ZNF529: variants seen among roughly 807,000 people sequenced by gnomAD.
The protein encoded by ZNF529 is zinc finger protein 529.
Under a neutral mutation model 10.1 loss-of-function variants are expected in ZNF529, and 11 were observed. The ratio of observed to expected loss-of-function variants is 1.09; its 90% confidence interval spans 0.69 to 1.81. ZNF529 has a LOEUF of 1.81. Among genes scored for constraint, ZNF529 ranks in the 40% most tolerant of loss-of-function variants. The probability of loss-of-function intolerance (pLI) is 0.00; values close to 1 mark genes in which losing one functional copy is unlikely to be tolerated. For synonymous variants in ZNF529, 204 were observed against 215.7 expected, an observed-to-expected ratio of 0.95 and a Z score of 0.47; for missense variants, 624 against 666.8, an observed-to-expected ratio of 0.94 and a Z score of 0.71.
upstream of ZNF529, chr19:36,573,600 T>A (rs944454683): frequency 2.1e-4 from 91 of 423,378 alleles, 2 homozygotes; most frequent in African/African-American, 1.4e-3. Context: ...GCGAGGGTGG[T>A]CTTGGGGGAG....
In ZNF529 at chr19:36,586,122, C is replaced by T. The variant is rs1161541368; in HGVS notation, c.-41+3493G>A. 5.3e-5 allele frequency among the ~76,000 whole-genome samples: 8 copies of T among 152,286 alleles called. No individual in the cohort carries two copies. In the East Asian group the frequency reaches 1.5e-3, roughly 29 times the overall value. On this transcript the variant is annotated intron_variant, in intron 2 of 4. Transcript: ENST00000585960. ...ATTACATTTTAACTTCAGAAATTAT[C>T]GACTCCATTTTCCATTTCCTTGCAA...
At chr19:36,562,681 CA>C (rs1474663172) in intron 2 of ZNF529, among the ~76,000 whole-genome samples, 2 of 151,480 alleles carry the variant, frequency 1.3e-5, no homozygotes, top group Non-Finnish European at 2.9e-5. Context: ...TAAAAAACTA[CA>C]AAAAAATAGC....
chr19:36,581,156 T>TA (rs1375800174), intron 2 of ZNF529: 1 of 152,200 alleles, frequency 6.6e-6, no homozygotes, highest in Admixed American at 6.5e-5. Context: ...GTCCCCATGA[T>TA]AGACTATTGG....
rs141584175 is a variant in ZNF529 at position 36,571,416 on chromosome 19, T to C, written c.14+917A>G. On this transcript the variant is annotated intron_variant, in intron 2 of 4. Coordinates refer to ENST00000591340, the MANE Select transcript of ZNF529 (RefSeq NM_020951.5). ...AAAGCCGGGCGCAGTGGCTCACGCCTGTAATCCCAGCACTTTGGGAGGATG... is the reference window on the plus strand; with the variant it reads ...AAAGCCGGGCGCAGTGGCTCACGCCCGTAATCCCAGCACTTTGGGAGGATG... 2.3e-3 allele frequency among the ~76,000 whole-genome samples: 347 copies of C among 152,344 alleles called. 1 individual carries two copies. Among genetic ancestry groups the C allele is most frequent in the African/African-American group, 7.9e-3 (327 of 41,580 alleles).
At chr19:36,572,442 A>G in intron 1 of ZNF529, 50 bp from the exon 2 acceptor site, 4 of 1,412,136 alleles carry the variant, frequency 2.8e-6, no homozygotes, top group Non-Finnish European at 3.9e-6. Context: ...GACTGGTTAA[A>G]TAAGAACACA....
chr19:36,556,112 T>C lies in ZNF529; in HGVS notation c.100A>G (p.Met34Val). The C allele has an allele frequency of 6.4e-7, 1 of 1,551,056 alleles. No homozygotes were observed. Among genetic ancestry groups the C allele is most frequent in the Non-Finnish European group, 8.7e-7 (1 of 1,146,488 alleles). ...AGAAGTAGTTAACTTACATGGTCCA[T>C]GGTTAGAACTGTAAAGAATTGGTCA... The part of the protein sequence containing the change: ...FPDQFFTVLT[M>V]DHELVTLRDV... Residue 34 changes from methionine (M) to valine (V), a missense_variant, in exon 3 of 5, where the codon ATG becomes GTG. By Grantham distance (21) the Met-to-Val change is conservative. Transcript: ENST00000591340.
At chr19:36,554,920 G>A in intron 3 of ZNF529, 124 bp from the exon 4 acceptor site, 1 of 762,322 alleles carries the variant, frequency 1.3e-6, no homozygotes, top group African/African-American at 1.8e-5. Context: ...AGAAGACTGT[G>A]ACATGGGAAG....
chr19:36,594,445 C>G (rs567248064), intron 1 of ZNF529: 4 of 152,292 alleles, frequency 2.6e-5, no homozygotes, highest in African/African-American at 9.6e-5. Context: ...TCTCAAGATG[C>G]CCCCCATGGA....
At chr19:36,548,636 A>C (rs1168877584) in intron 4 of ZNF529, among the ~76,000 whole-genome samples, 1 of 152,236 alleles carries the variant, frequency 6.6e-6, no homozygotes, top group Non-Finnish European at 1.5e-5. Context: ...ACGCAGATCA[A>C]AATTTGATAA....
chr19:36,560,724 A>G (rs2035659490), intron 2 of ZNF529, among the ~76,000 whole-genome samples: 1 of 152,238 alleles, frequency 6.6e-6, no homozygotes, highest in African/African-American at 2.4e-5. Flanking sequence ...ATATAGGAGT[A>G]AATTTCTCTA....
intron 2 of ZNF529, among the ~76,000 whole-genome samples, chr19:36,567,754 T>C (rs905141434): frequency 2.0e-5 from 3 of 152,122 alleles, no homozygotes; most frequent in African/African-American, 7.2e-5. Flanking sequence ...TATTTGGCAA[T>C]GGATTCTTAA....
intron 2 of ZNF529, among the ~76,000 whole-genome samples, chr19:36,586,823 GTTGT>G (rs1412271358): frequency 5.9e-5 from 9 of 152,208 alleles, no homozygotes; most frequent in South Asian, 2.1e-4. Flanking sequence ...CCTAAATCCT[GTTGT>G]TTATGTCATA....
intron 3 of ZNF529, among the ~76,000 whole-genome samples, chr19:36,555,154 T>G (rs1269798674): frequency 9.2e-5 from 14 of 152,224 alleles, no homozygotes; most frequent in Non-Finnish European, 1.6e-4. Flanking sequence ...GTCATTCCCC[T>G]GTACAGGAGA....
rs79870517 is a variant in ZNF529, at chr19:36,549,037, A to C, written c.236-715T>G. Among the ~76,000 whole-genome samples the C allele has an allele frequency of 9.9e-3, 1,511 of 152,240 alleles. 18 individuals carry two copies. Among genetic ancestry groups the C allele is most frequent in the African/African-American group, 0.033 (1,390 of 41,538 alleles). On this transcript the variant is annotated intron_variant, in intron 4 of 4. Coordinates refer to ENST00000591340, the MANE Select transcript of ZNF529 (RefSeq NM_020951.5). ...CACCTCATTTTAACGCATTCTCCTA[A>C]TCATTTTTCATCTCCTAGATCAAAA...
intron 2 of ZNF529, chr19:36,587,267 GA>G (rs61136933): frequency 0.65 from 90,231 of 138,880 alleles, 28,234 homozygotes; most frequent in Non-Finnish European, 0.67. Flanking sequence ...TCCGTCTCAG[GA>G]AAAAAAAAAA....
chr19:36,564,306 T>C (rs2035817329), intron 2 of ZNF529, among the ~76,000 whole-genome samples: 1 of 151,816 alleles, frequency 6.6e-6, no homozygotes, highest in Non-Finnish European at 1.5e-5. Flanking sequence ...ATCAACAGAG[T>C]AAACAACAAC....
At chr19:36,587,359 T>C (rs1466789265) in intron 2 of ZNF529, 1 of 152,154 alleles carries the variant, frequency 6.6e-6, no homozygotes, top group Non-Finnish European at 1.5e-5. Flanking sequence ...ATAATTTATT[T>C]TAAAGTGTTG....
chr19:36,562,110 T>A (rs566869201), intron 2 of ZNF529, among the ~76,000 whole-genome samples: 215 of 152,136 alleles, frequency 1.4e-3, no homozygotes, highest in Non-Finnish European at 2.4e-3. Context: ...TGGTGGTGCA[T>A]GCCTGTAATC....
At chr19:36,598,834 A>T (rs2036880966) in intron 1 of ZNF529, among the ~76,000 whole-genome samples, 1 of 152,196 alleles carries the variant, frequency 6.6e-6, no homozygotes, top group Non-Finnish European at 1.5e-5. Context: ...ATGTCATATA[A>T]TCTATTAGTA....
Sources: allele counts gnomAD v4.1 joint callset (sites outside exome capture counted in the v4.1 genomes callset), GRCh38; gene constraint gnomAD v4.1.1; transcripts MANE v1.5; gene names NCBI Gene and HGNC (gene_info 2026-07-23, HGNC 2026-07-21).